ATP5MJ: variants seen among roughly 807,000 people sequenced by gnomAD.
ATP5MJ encodes the protein ATP synthase membrane subunit j.
A neutral mutation model predicts 8.3 loss-of-function variants in ATP5MJ; 4 were observed. The ratio of observed to expected loss-of-function variants is 0.48; its 90% CI spans 0.24 to 1.11. The LOEUF (loss-of-function observed/expected upper bound fraction) is 1.11, where lower values mean the gene tolerates loss of function less well. Among genes scored for constraint, ATP5MJ ranks in the 50% least tolerant of loss-of-function variants. ATP5MJ has a pLI of 0.18. For missense variants in ATP5MJ, 66 were observed against 71.8 expected (o/e 0.92, Z 0.29); for synonymous variants, 23 against 21.3 (o/e 1.08, Z -0.23).
chr14:103,912,610 C>A lies in ATP5MJ; in HGVS notation c.*56G>T, dbSNP rs1018498976. ...CACGCTCCCCATCTAACACGGCTTG[C>A]TGAAATTTACAGGCAGACTGACGTT... On this transcript the variant is annotated 3_prime_UTR_variant, in exon 4 of 4. Transcript: ENST00000286953. 21 of 1,579,966 alleles carry A rather than the reference C, an allele frequency of 1.3e-5. No homozygotes were observed. The highest frequency in any genetic ancestry group is 1.7e-5 in the Admixed American group (1 of 58,960).
chr14:103,919,416 G>C (rs769046149), intron 1 of ATP5MJ, among the ~76,000 whole-genome samples: 2 of 149,292 alleles, frequency 1.3e-5, no homozygotes, highest in Non-Finnish European at 3.0e-5. Context: ...TTCAGTGACT[G>C]ATCACAGCAG....
chr14:103,912,659 A>T lies in ATP5MJ; in HGVS notation c.*7T>A, dbSNP rs2087589629. 6.2e-7 allele frequency: 1 copy of T among 1,613,936 alleles called. No individual in the cohort carries two copies. The highest frequency in any genetic ancestry group is 2.2e-5 in the East Asian group (1 of 44,892). ...TTTTCTTTCACATGTACTCCAAGTA[A>T]ATCTGGTTAGTGATGACCAGGAGCA... On this transcript the variant is annotated 3_prime_UTR_variant, in exon 4 of 4. Coordinates refer to ENST00000286953, the MANE Select transcript of ATP5MJ (RefSeq NM_004894.3).
intron 1 of ATP5MJ, among the ~76,000 whole-genome samples, chr14:103,918,922 C>T (rs55827086): frequency 0.74 from 111,372 of 151,350 alleles, 41,240 homozygotes; most frequent in African/African-American, 0.81. Flanking sequence ...CTCGGAAGGC[C>T]GAGGCAGGAG....
chr14:103,914,275 G>A (rs764920786), intron 2 of ATP5MJ: 2 of 564,854 alleles, frequency 3.5e-6, no homozygotes, highest in Non-Finnish European at 6.2e-6. Context: ...TTAGTAACAT[G>A]TGATTGGGCC....
At position 103,920,086 on chromosome 14, in the gene ATP5MJ, A is replaced by C. The variant is rs1392031142; in HGVS notation, c.-1+1384T>G. Among the ~76,000 whole-genome samples the C allele has an allele frequency of 6.0e-5, 9 of 149,998 alleles. No homozygotes were observed. In the East Asian group the frequency reaches 1.6e-3, roughly 26 times the overall value. On this transcript the variant is annotated intron_variant, in intron 1 of 3. Transcript: ENST00000286953. ...GTGATCCGCCCGCCTCAGCCTCCCAAAGGGCTGGGATTACAGGCGTGAACC... is the reference window on the plus strand; with the variant it reads ...GTGATCCGCCCGCCTCAGCCTCCCACAGGGCTGGGATTACAGGCGTGAACC...
At chr14:103,915,765 G>A (rs1256131343) in intron 1 of ATP5MJ, among the ~76,000 whole-genome samples, 3 of 151,292 alleles carry the variant, frequency 2.0e-5, no homozygotes, top group African/African-American at 7.3e-5. Context: ...CTAGGATTAC[G>A]GTGTGAGCCA....
chr14:103,919,301 A>C (rs2087652382), intron 1 of ATP5MJ, among the ~76,000 whole-genome samples: 1 of 150,732 alleles, frequency 6.6e-6, no homozygotes, highest in East Asian at 1.9e-4. Context: ...GAATCGCTTG[A>C]ACCCGGGAGG....
rs1595877109 is a variant in ATP5MJ, at chr14:103,913,725, C to CTGG, written c.148+235_148+236insCCA. 4.5e-5 allele frequency: 26 copies of CTGG among 580,794 alleles called. No homozygotes were observed. The East Asian group carries it at 7.4e-4, about 17-fold the overall frequency. The allele number at this position is 580,794 out of a possible 1,614,324, so 36.0% of individuals were successfully genotyped here. ...TGATATCGACTACCTCTAATTAATCCATTCCTCTATTACTCCTGGAAGTTT... is the reference window on the plus strand; with the variant it reads ...TGATATCGACTACCTCTAATTAATCCTGGATTCCTCTATTACTCCTGGAAGTTT... On this transcript the variant is annotated intron_variant, in intron 3 of 3. Coordinates refer to ENST00000286953, the MANE Select transcript of ATP5MJ (RefSeq NM_004894.3).
rs17101922 is a variant in ATP5MJ, at chr14:103,912,570, T to C, written c.*96A>G. The C allele has an allele frequency of 0.012, 15,166 of 1,234,882 alleles. 967 individuals carry two copies. The Admixed American group carries it at 0.16, about 13-fold the overall frequency. 76.5% of individuals were successfully genotyped at this position (1,234,882 alleles called of 1,614,324 possible). ...ATGAAGTAAACGGTACTTATACAAG[T>C]GTACAGTGACGTTCCACGCTCCCCA... On this transcript the variant is annotated 3_prime_UTR_variant, in exon 4 of 4. Transcript: ENST00000286953.
At chr14:103,915,243 C>G (rs571559919) in intron 1 of ATP5MJ, 54 bp from the exon 2 acceptor site, 2 of 1,586,910 alleles carry the variant, frequency 1.3e-6, no homozygotes, top group Non-Finnish European at 1.7e-6. Context: ...TTAAACCTAA[C>G]TGGTAAAAGA....
rs931775782 is a variant in ATP5MJ at position 103,915,173 on chromosome 14, A to G, written c.17T>C (p.Ile6Thr). 5.6e-6 allele frequency: 9 copies of G among 1,613,400 alleles called. No homozygotes were observed. The highest frequency in any genetic ancestry group is 1.3e-5 in the African/African-American group (1 of 74,878). The change falls in exon 2 of 4, where the codon ATT (isoleucine) becomes ACT (threonine). Residue 6 changes from isoleucine to threonine, a missense_variant. Transcript: ENST00000286953. MLQSI[I>T]KNIWIPMKPY... ...CTTCATGGGGATCCATATGTTTTTA[A>G]TAATACTTTGAAGCATCTGAAAATG...
At chr14:103,915,744 C>G (rs1185777852) in intron 1 of ATP5MJ, among the ~76,000 whole-genome samples, 1 of 151,600 alleles carries the variant, frequency 6.6e-6, no homozygotes, top group East Asian at 1.9e-4. Flanking sequence ...CCACCTTGGC[C>G]TCCCAAAGTG....
chr14:103,913,931 CCCAA>C, intron 3 of ATP5MJ, 26 bp downstream of exon 3: 2 of 1,609,034 alleles, frequency 1.2e-6, no homozygotes, highest in Non-Finnish European at 1.7e-6. Flanking sequence ...GTTTTCCATT[CCCAA>C]CCATTTTCAG....
intron 2 of ATP5MJ, 132 bp from the exon 3 acceptor site, chr14:103,914,116 A>G (rs1342552447): frequency 1.3e-6 from 1 of 789,042 alleles, no homozygotes; most frequent in African/African-American, 1.8e-5. Context: ...AAAATGTCTT[A>G]TAGCCAAGAA....
chr14:103,918,493 T>C (rs917877679), intron 1 of ATP5MJ, among the ~76,000 whole-genome samples: 2 of 152,026 alleles, frequency 1.3e-5, no homozygotes, highest in Admixed American at 1.3e-4. Flanking sequence ...CCCGAGTAGC[T>C]GGGACTACAG....
intron 1 of ATP5MJ, chr14:103,917,902 C>T (rs1567186544): frequency 1.3e-5 from 2 of 152,240 alleles, no homozygotes; most frequent in Admixed American, 6.5e-5. Context: ...GTACGTCATG[C>T]TCCTGATGAC....
At chr14:103,913,273 T>C (rs1465487580) in intron 3 of ATP5MJ, 1 of 153,342 alleles carries the variant, frequency 6.5e-6, no homozygotes, top group Non-Finnish European at 1.4e-5. Context: ...TGAGCCAAGA[T>C]TGTGCCACTG....
At chr14:103,919,157 C>T (rs1027304898) in intron 1 of ATP5MJ, among the ~76,000 whole-genome samples, 5 of 151,768 alleles carry the variant, frequency 3.3e-5, no homozygotes, top group Non-Finnish European at 7.4e-5. Flanking sequence ...CCAAGGTGGG[C>T]GGATCACTTA....
At position 103,921,148 on chromosome 14, in the gene ATP5MJ, C is replaced by T. The variant is rs2152108527; in HGVS notation, c.-1+322G>A. 8 of 942,194 alleles carry T rather than the reference C, an allele frequency of 8.5e-6. No individual in the cohort carries two copies. In the South Asian group the frequency reaches 9.0e-5, roughly 11 times the overall value. The allele number at this position is 942,194 out of a possible 1,614,324, so 58.4% of individuals were successfully genotyped here. On this transcript the variant is annotated intron_variant, in intron 1 of 3. Transcript: ENST00000286953. ...GAGTTCTTGGCTTGGACTCTGGCTT[C>T]TCTAACTCTGCGTAGCCTCTGGGTT...
Sources: gnomAD v4.1 joint callset for allele counts (sites outside exome capture counted in the v4.1 genomes callset) on GRCh38, gnomAD v4.1.1 for gene constraint, MANE v1.5 for transcripts, NCBI Gene and HGNC (gene_info 2026-07-23, HGNC 2026-07-21) for gene names.